Variants in CHN1 observed in about 807,000 individuals in gnomAD.
CHN1 encodes N-chimaerin.
In CHN1, 37 loss-of-function variants were observed where a neutral mutation model predicts 59.5. That is an observed-to-expected ratio of 0.62 (90% CI 0.48 to 0.82). The LOEUF is 0.82. CHN1 is among the 40% of genes least tolerant of loss of function. CHN1 has a pLI of 0.00. For missense variants in CHN1, 469 were observed against 571.0 expected (o/e 0.82, Z 1.82); for synonymous variants, 206 against 200.4 (o/e 1.03, Z -0.24).
At chr2:174,809,136 G>A (rs1684995738) in intron 10 of CHN1, 94 bp from the exon 11 acceptor site, 5 of 1,144,524 alleles carry the variant, frequency 4.4e-6, no homozygotes, top group Non-Finnish European at 6.0e-6. Context: ...AGATTTTAAA[G>A]ATTAGCAATT....
chr2:174,867,265 A>G (rs1687248743), intron 6 of CHN1, among the ~76,000 whole-genome samples: 1 of 151,880 alleles, frequency 6.6e-6, no homozygotes. Context: ...AGTCCCAGCT[A>G]TTCGGGAGGC....
chr2:174,958,416 T>A (rs1388767034), intron 1 of CHN1, among the ~76,000 whole-genome samples: 1 of 152,136 alleles, frequency 6.6e-6, no homozygotes, highest in East Asian at 1.9e-4. Context: ...CAATTTGCAG[T>A]TGGTGTCAAA....
At chr2:174,839,565 G>A (rs938312850) in intron 7 of CHN1, among the ~76,000 whole-genome samples, 5 of 151,750 alleles carry the variant, frequency 3.3e-5, no homozygotes, top group South Asian at 2.1e-4. Flanking sequence ...TGAGCAACAC[G>A]ATGCCTTTAC....
At chr2:174,831,104 T>C (rs1231329996) in intron 7 of CHN1, among the ~76,000 whole-genome samples, 1 of 152,176 alleles carries the variant, frequency 6.6e-6, no homozygotes, top group Non-Finnish European at 1.5e-5. Context: ...ACCAGGGCAA[T>C]ACAGTAATTT....
intron 6 of CHN1, among the ~76,000 whole-genome samples, chr2:174,848,009 T>G (rs1463274795): frequency 6.6e-6 from 1 of 152,130 alleles, no homozygotes; most frequent in African/African-American, 2.4e-5. Context: ...CCCAATTTTA[T>G]TAAAGACAAG....
chr2:174,863,226 C>T (rs1221069899), intron 6 of CHN1, among the ~76,000 whole-genome samples: 1 of 152,140 alleles, frequency 6.6e-6, no homozygotes, highest in Non-Finnish European at 1.5e-5. Context: ...GTGATCAATG[C>T]ATGATGTTTC....
intron 1 of CHN1, among the ~76,000 whole-genome samples, chr2:175,004,667 G>A (rs62184831): frequency 0.32 from 48,231 of 152,042 alleles, 8,826 homozygotes; most frequent in Admixed American, 0.45. Flanking sequence ...TCCCAGCCGA[G>A]AATTGGCCAG....
chr2:174,818,635 T>C lies in CHN1; in HGVS notation c.712+5799A>G, dbSNP rs1384110896. Among the ~76,000 whole-genome samples, 9 of 132,842 alleles carry C rather than the reference T, an allele frequency of 6.8e-5. No homozygotes were observed. The East Asian group carries it at 1.7e-3, about 26-fold the overall frequency. 87.1% of individuals were successfully genotyped at this position (132,842 alleles called of 152,430 possible). A position where few individuals can be genotyped will look rare whatever the true frequency, so the allele number is the denominator to read the frequency against. On this transcript the variant is annotated intron_variant, in intron 8 of 12. Transcript: ENST00000409900. ...TTTATGTTACTATTAAACCACATTT[T>C]TTTTTATGTTACTATTAAACCACAT...
intron 5 of CHN1, among the ~76,000 whole-genome samples, chr2:174,897,763 AGAAT>A: frequency 6.6e-6 from 1 of 152,204 alleles, no homozygotes; most frequent in Non-Finnish European, 1.5e-5. Context: ...CAACACAGAA[AGAAT>A]AGGTTCCTTA....
intron 1 of CHN1, among the ~76,000 whole-genome samples, chr2:174,955,943 T>G (rs937280623): frequency 6.6e-6 from 1 of 152,194 alleles, no homozygotes; most frequent in African/African-American, 2.4e-5. Flanking sequence ...CTATGCTCAC[T>G]GCCAGGGTGA....
chr2:174,907,315 T>A (rs1462317992), intron 5 of CHN1, among the ~76,000 whole-genome samples: 1 of 152,180 alleles, frequency 6.6e-6, no homozygotes, highest in African/African-American at 2.4e-5. Flanking sequence ...CAATTGATTA[T>A]GTTTAATGGC....
rs141100586 is a variant in CHN1, at chr2:174,868,437, C to T, written c.549+9403G>A. ...AAAGATAGGTCACAAGAAGAGACTG[C>T]TGAGCCCCTAATGGCTGCTTCCTTA... On this transcript the variant is annotated intron_variant, in intron 6 of 12. Coordinates refer to ENST00000409900, the MANE Select transcript of CHN1 (RefSeq NM_001822.7). Among the ~76,000 whole-genome samples, 675 of 152,266 alleles carry T rather than the reference C, an allele frequency of 4.4e-3. 6 individuals carry two copies. The highest frequency in any genetic ancestry group is 0.015 in the African/African-American group (636 of 41,546).
At chr2:174,918,663 A>T (rs1406215057) in intron 3 of CHN1, 98 bp from the exon 4 acceptor site, 29 of 997,844 alleles carry the variant, frequency 2.9e-5, no homozygotes, top group African/African-American at 5.0e-5. Flanking sequence ...AGCATATATT[A>T]AAAAAAGAAT....
At chr2:174,930,098 C>T (rs571996060) in intron 3 of CHN1, among the ~76,000 whole-genome samples, 4 of 152,272 alleles carry the variant, frequency 2.6e-5, no homozygotes, top group South Asian at 2.1e-4. Flanking sequence ...TGACCCATGA[C>T]GAGGTGTCAC....
chr2:174,982,969 C>T (rs1691208226), intron 1 of CHN1, among the ~76,000 whole-genome samples: 1 of 151,894 alleles, frequency 6.6e-6, no homozygotes, highest in Admixed American at 6.6e-5. Flanking sequence ...ATTACAAAAA[C>T]ATTTTATAAC....
chr2:174,942,606 G>C (rs1228372137), intron 3 of CHN1, among the ~76,000 whole-genome samples: 2 of 152,068 alleles, frequency 1.3e-5, no homozygotes, highest in East Asian at 3.9e-4. Flanking sequence ...AGCTAGAAGA[G>C]AGAATTGTGA....
rs567959607 is a variant in CHN1, at chr2:174,969,763, T to C, written c.20-17561A>G. Reference sequence around the variant, plus strand: ...TATTTTATCAATTTTATATTGTTGTTTGTCTCTCTACACCAGAAGGTAAGC... The same window carrying C: ...TATTTTATCAATTTTATATTGTTGTCTGTCTCTCTACACCAGAAGGTAAGC... On this transcript the variant is annotated intron_variant, in intron 1 of 12. Coordinates refer to ENST00000409900, the MANE Select transcript of CHN1 (RefSeq NM_001822.7). Among the ~76,000 whole-genome samples the C allele has an allele frequency of 2.6e-5, 4 of 152,288 alleles. No homozygotes were observed. In the South Asian group the frequency reaches 6.2e-4, roughly 24 times the overall value.
chr2:174,823,305 A>G (rs1685562977), intron 8 of CHN1, among the ~76,000 whole-genome samples: 1 of 152,240 alleles, frequency 6.6e-6, no homozygotes, highest in Non-Finnish European at 1.5e-5. Flanking sequence ...GCAGAAGGAA[A>G]CTTTTATGAC....
At chr2:175,001,972 C>T (rs945028777) in intron 1 of CHN1, among the ~76,000 whole-genome samples, 4 of 152,124 alleles carry the variant, frequency 2.6e-5, no homozygotes, top group Non-Finnish European at 5.9e-5. Flanking sequence ...AAAGCCTATA[C>T]GGAATTAGTT....
Sources: allele counts gnomAD v4.1 joint callset (sites outside exome capture counted in the v4.1 genomes callset), GRCh38; gene constraint gnomAD v4.1.1; transcripts MANE v1.5; gene names NCBI Gene and HGNC (gene_info 2026-07-23, HGNC 2026-07-21).